Variants in NUDT19 observed in about 807,000 individuals in gnomAD.
NUDT19 encodes nudix hydrolase 19.
NUDT19 carries 31 observed loss-of-function variants against 22.2 expected under a neutral mutation model. The observed-to-expected ratio is 1.40, with a 90% CI of 1.05 to 1.89. The LOEUF is 1.89. Ranked by LOEUF, NUDT19 falls within the 40% of genes most tolerant of loss-of-function variation. NUDT19 has a pLI of 0.00. For missense variants in NUDT19, 752 were observed against 514.2 expected (o/e 1.46, Z -4.47); for synonymous variants, 325 against 230.8 (o/e 1.41, Z -3.70).
At chr19:32,699,625 C>T (rs527474095) in intron 1 of NUDT19, among the ~76,000 whole-genome samples, 2 of 152,286 alleles carry the variant, frequency 1.3e-5, no homozygotes, top group African/African-American at 4.8e-5. Context: ...ATATTTAGCT[C>T]TCAAATTCTA....
At chr19:32,699,422 G>A (rs1266683287) in intron 1 of NUDT19, among the ~76,000 whole-genome samples, 1 of 152,192 alleles carries the variant, frequency 6.6e-6, no homozygotes, top group East Asian at 1.9e-4. Context: ...GGACCCCGGA[G>A]CTGAATGGCT....
rs1162751593 is a variant in NUDT19, at chr19:32,709,211, A to C, written c.741A>C (p.Glu247Asp). The change falls in exon 2 of 3, where the codon GAA becomes GAC. Residue 247 changes from glutamate (E) to aspartate (D), a missense_variant. Glu to Asp is a conservative substitution (Grantham distance 45). Transcript: ENST00000397061. ...YQWSSPSEATESFLSKEIWLP... is the reference protein window; with the variant it reads ...YQWSSPSEATDSFLSKEIWLP... ...GGTCATCTCCATCAGAGGCAACTGA[A>C]AGTTTCTTATCAAAAGAAATTTGGT... 1 of 1,613,720 alleles carries C rather than the reference A, an allele frequency of 6.2e-7. No individual in the cohort carries two copies.
Position 32,711,828 on chromosome 19 carries a change from G to C in NUDT19, c.999G>C (p.Met333Ile), listed in dbSNP as rs1968450609. The C allele has an allele frequency of 6.2e-7, 1 of 1,613,626 alleles. No homozygotes were observed. Among genetic ancestry groups the C allele is most frequent in the African/African-American group, 1.3e-5 (1 of 74,902 alleles). ...CTGAAAAAAAGACTGAGGAAATCAT[G>C]AAGGAAGGCAAGCAGTTTCACCGGA... ...MSTEKKTEEI[M>I]KEGKQFHRIV... Residue 333 changes from methionine to isoleucine, a missense_variant, in exon 3 of 3, where the codon ATG (methionine) becomes ATC (isoleucine). Physicochemically the swap from Met to Ile is conservative, Grantham distance 10. Transcript: ENST00000397061.
At chr19:32,694,386 G>A (rs551987901) in intron 1 of NUDT19, among the ~76,000 whole-genome samples, 3 of 152,318 alleles carry the variant, frequency 2.0e-5, no homozygotes, top group South Asian at 4.1e-4. Flanking sequence ...GTTTTGGAGA[G>A]TCACTGCTGC....
At chr19:32,699,798 G>A (rs535938062) in intron 1 of NUDT19, among the ~76,000 whole-genome samples, 26 of 152,296 alleles carry the variant, frequency 1.7e-4, no homozygotes, top group Middle Eastern at 3.4e-3. Flanking sequence ...AGACCCTTGC[G>A]GTGAGTGTTA....
intron 1 of NUDT19, among the ~76,000 whole-genome samples, chr19:32,705,871 C>T (rs1968382404): frequency 1.3e-5 from 2 of 152,128 alleles, no homozygotes; most frequent in Admixed American, 6.6e-5. Flanking sequence ...AGGCATGAGC[C>T]ACTGCACCTG....
At position 32,711,978 on chromosome 19, in the gene NUDT19, A is replaced by C. The variant is rs762691035; in HGVS notation, c.*21A>C. On this transcript the variant is annotated 3_prime_UTR_variant, in exon 3 of 3. Coordinates refer to ENST00000397061, the MANE Select transcript of NUDT19 (RefSeq NM_001105570.2). ...TGTAGGGTGCTTAAGCTTGTTTGTA[A>C]AATGGCCTACTTGAAGTCCTCATGA... 1 of 1,514,908 alleles carries C rather than the reference A, an allele frequency of 6.6e-7. No individual in the cohort carries two copies. Among genetic ancestry groups the C allele is most frequent in the African/African-American group, 1.4e-5 (1 of 72,998 alleles). 93.8% of individuals were successfully genotyped at this position (1,514,908 alleles called of 1,614,324 possible). A position where few individuals can be genotyped will look rare whatever the true frequency, so the allele number is the denominator to read the frequency against.
chr19:32,695,467 A>G lies in NUDT19; in HGVS notation c.714+2793A>G, dbSNP rs181477461. On this transcript the variant is annotated intron_variant, in intron 1 of 2. Transcript: ENST00000397061. ...TGCTGGGATTACAGGCATGAATTAT[A>G]TATTTTAAATTTACCCTGGCTTTTA... 3.3e-5 allele frequency among the ~76,000 whole-genome samples: 5 copies of G among 152,260 alleles called. No homozygotes were observed. In the East Asian group the frequency reaches 9.7e-4, roughly 29 times the overall value.
chr19:32,692,475 G>T lies in NUDT19; in HGVS notation c.515G>T (p.Arg172Leu). ...CTGGCCTCCTGGCGCGACCGCGTGC[G>T]CCAGGACCCGCGCCACTTCCTGCGG... is the stretch of plus-strand genomic sequence containing the variant. Reference protein sequence around the residue: ...PGLASWRDRVRQDPRHFLRLC... With the variant: ...PGLASWRDRVLQDPRHFLRLC... The change falls in exon 1 of 3, where the codon CGC (arginine) becomes CTC (leucine). Residue 172 changes from arginine to leucine, a missense_variant. Arg to Leu is a moderately radical substitution (Grantham distance 102). Coordinates refer to ENST00000397061, the MANE Select transcript of NUDT19 (RefSeq NM_001105570.2). The T allele has an allele frequency of 3.9e-6, 6 of 1,548,416 alleles. No individual in the cohort carries two copies. The highest frequency in any genetic ancestry group is 4.3e-6 in the Non-Finnish European group (5 of 1,150,758).
chr19:32,701,571 A>G (rs1968336664), intron 1 of NUDT19, among the ~76,000 whole-genome samples: 3 of 152,118 alleles, frequency 2.0e-5, no homozygotes, highest in Admixed American at 1.3e-4. Context: ...TCTTCAACTA[A>G]TAATTGTGGA....
intron 2 of NUDT19, among the ~76,000 whole-genome samples, chr19:32,710,623 G>C (rs1310270967): frequency 6.6e-6 from 1 of 151,826 alleles, no homozygotes; most frequent in Non-Finnish European, 1.5e-5. Context: ...GCTGGGCGCG[G>C]TGGCTCACAC....
intron 1 of NUDT19, among the ~76,000 whole-genome samples, chr19:32,695,409 A>C (rs1332610054): frequency 6.6e-6 from 1 of 152,104 alleles, no homozygotes; most frequent in Non-Finnish European, 1.5e-5. Context: ...CAAACTCCTG[A>C]CCTCATGATC....
chr19:32,697,301 C>T (rs1400479113), intron 1 of NUDT19, among the ~76,000 whole-genome samples: 2 of 152,242 alleles, frequency 1.3e-5, no homozygotes, highest in South Asian at 2.1e-4. Context: ...GCCCAGGGCT[C>T]GCTTTTGGAG....
chr19:32,711,957 G>A lies in NUDT19; in HGVS notation c.1128G>A (p.Ter376=), dbSNP rs115755459. The change falls in exon 3 of 3, where the codon TAG becomes TAA. Residue 376 remains the stop codon, a stop_retained_variant. Transcript: ENST00000397061. ...KNSVVRKSHL[*] The stretch of plus-strand genomic sequence containing the variant: ...CTGTAGTAAGAAAAAGCCATTTGTA[G>A]GGTGCTTAAGCTTGTTTGTAAAATG... 3.3e-4 allele frequency: 526 copies of A among 1,605,916 alleles called. No homozygotes were observed. The African/African-American group carries it at 6.3e-3, about 19-fold the overall frequency.
Position 32,691,903 on chromosome 19 carries a change from G to A in NUDT19, c.-58G>A, listed in dbSNP as rs1032215127. ...GAGGTGCTGGGGTCCCTGCAGGGCC[G>A]GGCCACCTGCCGTGGAGCTCAGGCC... On this transcript the variant is annotated 5_prime_UTR_variant, in exon 1 of 3. Transcript: ENST00000397061. The A allele has an allele frequency of 1.2e-5, 12 of 1,037,232 alleles. No homozygotes were observed. Among genetic ancestry groups the A allele is most frequent in the Admixed American group, 8.9e-5 (2 of 22,492 alleles). The allele number at this position is 1,037,232 out of a possible 1,614,324, so 64.3% of individuals were successfully genotyped here. A position where few individuals can be genotyped will look rare whatever the true frequency, so the allele number is the denominator to read the frequency against.
intron 1 of NUDT19, 136 bp from the exon 2 acceptor site, chr19:32,709,049 T>C: frequency 1.4e-6 from 1 of 704,392 alleles, no homozygotes. Flanking sequence ...TCATGTTGTC[T>C]TTGAGGGATC....
intron 1 of NUDT19, among the ~76,000 whole-genome samples, chr19:32,700,774 A>C (rs1968326704): frequency 6.6e-6 from 1 of 152,038 alleles, no homozygotes; most frequent in Non-Finnish European, 1.5e-5. Context: ...AGTGACTGAT[A>C]CCTATAATCT....
intron 2 of NUDT19, among the ~76,000 whole-genome samples, chr19:32,710,194 A>G (rs906436526): frequency 6.6e-6 from 1 of 150,716 alleles, no homozygotes; most frequent in African/African-American, 2.4e-5. Context: ...TTGTATTATT[A>G]GTAGAGACAG....
In NUDT19 at chr19:32,712,091, TC is replaced by T. The variant is rs1369763427; in HGVS notation, c.*135del. ...GCAATTCAGTATTTCTTTATTTTTT[TC>T]GAGACAGAGTCTCAATCTGTCGCCC... On this transcript the variant is annotated 3_prime_UTR_variant, in exon 3 of 3. Transcript: ENST00000397061. The T allele has an allele frequency of 2.2e-5, 15 of 676,932 alleles. No homozygotes were observed. The highest frequency in any genetic ancestry group is 2.0e-4 in the African/African-American group (11 of 55,206). The allele number at this position is 676,932 out of a possible 1,614,324, so 41.9% of individuals were successfully genotyped here.
Sources: gnomAD v4.1 joint callset for allele counts (sites outside exome capture counted in the v4.1 genomes callset) on GRCh38, gnomAD v4.1.1 for gene constraint, MANE v1.5 for transcripts, NCBI Gene and HGNC (gene_info 2026-07-23, HGNC 2026-07-21) for gene names.